Variants in REG4 observed in about 807,000 individuals in gnomAD.
The protein encoded by REG4 is regenerating family member 4, also known as regenerating islet-derived protein 4.
REG4 carries 16 observed loss-of-function variants against 22.3 expected under a neutral mutation model. That is an observed-to-expected ratio of 0.72 (90% confidence interval 0.49 to 1.09). The LOEUF (loss-of-function observed/expected upper bound fraction) is 1.09, where lower values mean the gene tolerates loss of function less well. Ranked by LOEUF, REG4 falls within the 50% of genes least tolerant of loss-of-function variation. The pLI, the probability that REG4 is intolerant of heterozygous loss-of-function variation, is 0.00. For synonymous variants in REG4, 71 were observed against 69.2 expected, an observed-to-expected ratio of 1.03 and a Z score of -0.13; for missense variants, 214 against 193.9, an observed-to-expected ratio of 1.10 and a Z score of -0.61.
Position 119,808,685 on chromosome 1 carries a change from T to C in REG4, c.67+18A>G. ...ACACTGGCTGTGGCTCAGTTCCAGC[T>C]ACGTGATGGATACTCACCACCCAGG... On this transcript the variant is annotated intron_variant, in intron 2 of 5. Coordinates refer to ENST00000256585, the MANE Select transcript of REG4 (RefSeq NM_032044.4). 1 of 1,599,446 alleles carries C rather than the reference T, an allele frequency of 6.3e-7. No homozygotes were observed. The highest frequency in any genetic ancestry group is 8.6e-7 in the Non-Finnish European group (1 of 1,166,950).
At chr1:119,804,871 C>G (rs912962273) in intron 2 of REG4, among the ~76,000 whole-genome samples, 3 of 152,132 alleles carry the variant, frequency 2.0e-5, no homozygotes, top group Non-Finnish European at 4.4e-5. Flanking sequence ...CTATCTCTCT[C>G]CCCTCCCCTT....
At chr1:119,798,623 G>A (rs756762043) in intron 4 of REG4, 21 bp from the exon 5 acceptor site, 3 of 1,603,424 alleles carry the variant, frequency 1.9e-6, no homozygotes, top group Non-Finnish European at 2.6e-6. Flanking sequence ...AGGAGATGGA[G>A]AAGTGTACAG....
intron 3 of REG4, chr1:119,802,823 C>G (rs894996168): frequency 1.3e-6 from 2 of 1,525,310 alleles, no homozygotes; most frequent in African/African-American, 2.8e-5. Flanking sequence ...GGTAGGGGCT[C>G]TTTCCTATGT....
intron 2 of REG4, among the ~76,000 whole-genome samples, chr1:119,803,376 G>A (rs1238823853): frequency 6.6e-6 from 1 of 152,122 alleles, no homozygotes; most frequent in Non-Finnish European, 1.5e-5. Context: ...GTGTTTCTGC[G>A]ATTACTGGAC....
In REG4 at chr1:119,794,598, G is replaced by T; in HGVS notation, c.*20C>A. On this transcript the variant is annotated 3_prime_UTR_variant, in exon 6 of 6. Coordinates refer to ENST00000256585, the MANE Select transcript of REG4 (RefSeq NM_032044.4). ...AGAGGACGGGGCTGTGCAGGAGTTAGCAGAATCTTGATTCTTGCTCTATGG... is the reference window on the plus strand; with the variant it reads ...AGAGGACGGGGCTGTGCAGGAGTTATCAGAATCTTGATTCTTGCTCTATGG... The T allele has an allele frequency of 1.2e-6, 2 of 1,607,942 alleles. No homozygotes were observed. The highest frequency in any genetic ancestry group is 1.7e-6 in the Non-Finnish European group (2 of 1,174,272).
intron 2 of REG4, among the ~76,000 whole-genome samples, chr1:119,804,260 T>C (rs929235289): frequency 1.3e-5 from 2 of 152,210 alleles, no homozygotes; most frequent in Non-Finnish European, 2.9e-5. Flanking sequence ...GTCGCTTGTT[T>C]GCCCCACTCT....
intron 5 of REG4, among the ~76,000 whole-genome samples, chr1:119,796,390 C>T (rs1162313371): frequency 2.0e-5 from 3 of 151,980 alleles, no homozygotes; most frequent in Non-Finnish European, 2.9e-5. Flanking sequence ...TCCAGAGTCA[C>T]AAAACACATT....
chr1:119,796,814 C>T (rs587654797), intron 5 of REG4, among the ~76,000 whole-genome samples: 1 of 152,306 alleles, frequency 6.6e-6, no homozygotes, highest in African/African-American at 2.4e-5. Flanking sequence ...ACAACAGAGG[C>T]AACTTCGCTA....
Position 119,797,962 on chromosome 1 carries a change from A to G in REG4, c.409+535T>C, listed in dbSNP as rs587758906. ...GACAAAGAATGAAAGCAGGCCAGAGAAAGGAGAAGGCTCACGCGAGTGTGT... is the reference window on the plus strand; with the variant it reads ...GACAAAGAATGAAAGCAGGCCAGAGGAAGGAGAAGGCTCACGCGAGTGTGT... On this transcript the variant is annotated intron_variant, in intron 5 of 5. Transcript: ENST00000256585. 3.9e-5 allele frequency among the ~76,000 whole-genome samples: 6 copies of G among 152,312 alleles called. No homozygotes were observed. In the South Asian group the frequency reaches 8.3e-4, roughly 21 times the overall value.
intron 3 of REG4, chr1:119,801,405 C>G (rs1390853978): frequency 1.3e-5 from 2 of 152,226 alleles, no homozygotes; most frequent in East Asian, 1.9e-4. Context: ...TAATTCTATT[C>G]AATTCTCAGG....
chr1:119,798,745 A>G (rs967345288), intron 4 of REG4, 143 bp from the exon 5 acceptor site: 4 of 561,884 alleles, frequency 7.1e-6, no homozygotes, highest in South Asian at 3.1e-5. Flanking sequence ...GAAAAAGAGA[A>G]AGTCATTCCA....
chr1:119,794,670 C>T lies in REG4; in HGVS notation c.425G>A (p.Ser142Asn). The T allele has an allele frequency of 6.2e-7, 1 of 1,614,050 alleles. No homozygotes were observed. Among genetic ancestry groups the T allele is most frequent in the South Asian group, 1.1e-5 (1 of 91,070 alleles). ...TTGGCGCTTGTTGCATTCGTTGCTG[C>T]TCCAAGTTAAAAAGTCTGTAAGAAA... Reference protein sequence around the residue: ...MSSNNNFLTWSSNECNKRQHF... With the variant: ...MSSNNNFLTWNSNECNKRQHF... Residue 142 changes from serine (S) to asparagine (N), a missense_variant, in exon 6 of 6, where the codon AGC (serine) becomes AAC (asparagine). Coordinates refer to ENST00000256585, the MANE Select transcript of REG4 (RefSeq NM_032044.4).
chr1:119,810,152 A>AT (rs1284238211), intron 1 of REG4, among the ~76,000 whole-genome samples: 4 of 151,964 alleles, frequency 2.6e-5, no homozygotes, highest in Non-Finnish European at 5.9e-5. Context: ...AAATATTGTT[A>AT]TTTTTTATGT....
intron 5 of REG4, among the ~76,000 whole-genome samples, chr1:119,795,551 C>T (rs1465466976): frequency 6.6e-6 from 1 of 152,260 alleles, no homozygotes; most frequent in East Asian, 1.9e-4. Context: ...CACAGCATCA[C>T]TTGTCTTCCA....
chr1:119,799,890 T>C, intron 3 of REG4, 28 bp from the exon 4 acceptor site: 1 of 1,612,144 alleles, frequency 6.2e-7, no homozygotes. Context: ...TCCTGTTAAT[T>C]ATGCCTGCAT....
At chr1:119,796,881 T>G (rs1653951604) in intron 5 of REG4, among the ~76,000 whole-genome samples, 1 of 152,254 alleles carries the variant, frequency 6.6e-6, no homozygotes, top group Non-Finnish European at 1.5e-5. Flanking sequence ...GTTTGAGGAC[T>G]TTGTCCAATG....
At chr1:119,798,346 T>C in intron 5 of REG4, 151 bp downstream of exon 5, 1 of 643,890 alleles carries the variant, frequency 1.6e-6, no homozygotes, top group Non-Finnish European at 2.9e-6. Context: ...GTAACCAATG[T>C]CTGTGGCAAG....
intron 5 of REG4, among the ~76,000 whole-genome samples, chr1:119,795,346 T>C (rs1422096333): frequency 6.6e-6 from 1 of 152,152 alleles, no homozygotes; most frequent in African/African-American, 2.4e-5. Flanking sequence ...GTGTGGCCTG[T>C]CCTCAAGCCC....
At chr1:119,810,480 A>G (rs756533550) in intron 1 of REG4, among the ~76,000 whole-genome samples, 10 of 152,224 alleles carry the variant, frequency 6.6e-5, no homozygotes, top group Non-Finnish European at 1.3e-4. Flanking sequence ...TTAAGGCAAC[A>G]TTAACTGAGA....
Sources: gnomAD v4.1 joint callset for allele counts (sites outside exome capture counted in the v4.1 genomes callset) on GRCh38, gnomAD v4.1.1 for gene constraint, MANE v1.5 for transcripts, NCBI Gene and HGNC (gene_info 2026-07-23, HGNC 2026-07-21) for gene names.